ATP8A2: variants seen among roughly 807,000 people sequenced by gnomAD.
ATP8A2 encodes ATPase phospholipid transporting 8A2, also known as phospholipid-transporting ATPase IB.
Under a neutral mutation model 165.6 loss-of-function variants are expected in ATP8A2, and 100 were observed. That is an observed-to-expected ratio of 0.60 (90% CI 0.51 to 0.71). ATP8A2 has a LOEUF of 0.71. Ranked by LOEUF, ATP8A2 falls within the 30% of genes least tolerant of loss-of-function variation. ATP8A2 has a pLI of 0.00. For missense variants in ATP8A2, 1,227 were observed against 1,479.5 expected (o/e 0.83, Z 2.80); for synonymous variants, 543 against 548.8 (o/e 0.99, Z 0.15).
chr13:25,860,125 A>T, intron 30 of ATP8A2, 70 bp from the exon 31 acceptor site: 1 of 990,376 alleles, frequency 1.0e-6, no homozygotes, highest in Non-Finnish European at 1.6e-6. Context: ...TTCCCTGTTT[A>T]ATGCTCTGAG....
chr13:25,381,140 T>G (rs1344319760), intron 1 of ATP8A2, among the ~76,000 whole-genome samples: 1 of 152,194 alleles, frequency 6.6e-6, no homozygotes, highest in Non-Finnish European at 1.5e-5. Context: ...ATGGAGAGGA[T>G]CTTCAACACA....
intron 25 of ATP8A2, among the ~76,000 whole-genome samples, chr13:25,717,418 T>TAAAA (rs55732375): frequency 3.7e-4 from 35 of 95,012 alleles, no homozygotes; most frequent in African/African-American, 9.5e-4. Flanking sequence ...CTGAAAAAAC[T>TAAAA]AAAAAAAAAA....
intron 27 of ATP8A2, among the ~76,000 whole-genome samples, chr13:25,794,761 C>CT (rs1566145588): frequency 6.7e-6 from 1 of 150,300 alleles, no homozygotes; most frequent in Admixed American, 6.6e-5. Context: ...CCAAGGATAA[C>CT]ATCTATCAGA....
intron 33 of ATP8A2, among the ~76,000 whole-genome samples, chr13:25,948,353 A>T (rs1955265206): frequency 6.6e-6 from 1 of 152,144 alleles, no homozygotes; most frequent in Non-Finnish European, 1.5e-5. Flanking sequence ...GGTAACATGT[A>T]TGGCATTTAC....
intron 33 of ATP8A2, among the ~76,000 whole-genome samples, chr13:25,917,903 T>C (rs1339039096): frequency 1.3e-5 from 2 of 152,248 alleles, no homozygotes; most frequent in Non-Finnish European, 2.9e-5. Flanking sequence ...ACTGCAGAAG[T>C]TGTAAAACCT....
At chr13:25,695,738 CTTCTAA>C in intron 24 of ATP8A2, among the ~76,000 whole-genome samples, 1 of 152,340 alleles carries the variant, frequency 6.6e-6, no homozygotes, top group East Asian at 1.9e-4. Context: ...TCAGGCTTCA[CTTCTAA>C]TTCTAGTTCT....
At chr13:25,912,431 C>A (rs1954141730) in intron 33 of ATP8A2, among the ~76,000 whole-genome samples, 1 of 151,874 alleles carries the variant, frequency 6.6e-6, no homozygotes, top group South Asian at 2.1e-4. Flanking sequence ...TACAGAGCCT[C>A]AGTGAGACAG....
rs144342540 is a variant in ATP8A2, at chr13:25,498,704, A to G, written c.221+29583A>G. ...AATTGAAGGTAGGGGTTTAAATAAT[A>G]TTAGGAAGAGCTAACATTTGTTGAG... On this transcript the variant is annotated intron_variant, in intron 2 of 36. Coordinates refer to ENST00000381655, the MANE Select transcript of ATP8A2 (RefSeq NM_016529.6). Among the ~76,000 whole-genome samples the G allele has an allele frequency of 1.3e-3, 197 of 152,334 alleles. 1 individual carries two copies. Among genetic ancestry groups the G allele is most frequent in the African/African-American group, 4.4e-3 (184 of 41,582 alleles).
chr13:25,542,584 T>C (rs765634798), intron 9 of ATP8A2, among the ~76,000 whole-genome samples: 13 of 152,154 alleles, frequency 8.5e-5, no homozygotes, highest in Non-Finnish European at 1.9e-4. Flanking sequence ...TTCTACCTTC[T>C]GGCCATGTTT....
intron 1 of ATP8A2, among the ~76,000 whole-genome samples, chr13:25,437,298 A>G (rs1290103525): frequency 1.3e-5 from 2 of 152,188 alleles, no homozygotes; most frequent in African/African-American, 4.8e-5. Context: ...GCTTTCAAAG[A>G]TGCCTTAAGT....
chr13:25,554,529 ATGTGTGTGTGTG>A (rs71077486), intron 12 of ATP8A2, among the ~76,000 whole-genome samples: 29 of 140,344 alleles, frequency 2.1e-4, no homozygotes, highest in Non-Finnish European at 4.4e-4. Flanking sequence ...GTGTGTGTGT[ATGTGTGTGTGTG>A]TGTGTGTGTG....
chr13:25,871,290 C>A, intron 33 of ATP8A2: 1 of 286,212 alleles, frequency 3.5e-6, no homozygotes, highest in South Asian at 2.9e-5. Flanking sequence ...CTTTTCCTTT[C>A]TTGAAACATG....
At chr13:25,882,148 G>A (rs751751352) in intron 33 of ATP8A2, among the ~76,000 whole-genome samples, 4 of 152,268 alleles carry the variant, frequency 2.6e-5, no homozygotes, top group South Asian at 2.1e-4. Context: ...GCCATTGGAC[G>A]TAAAAACCTG....
At chr13:25,578,241 G>A (rs1008549845) in intron 20 of ATP8A2, among the ~76,000 whole-genome samples, 2 of 152,140 alleles carry the variant, frequency 1.3e-5, no homozygotes, top group Non-Finnish European at 2.9e-5. Context: ...TTTTGTAATA[G>A]CCTAAAACTA....
rs1370438841 is a variant in ATP8A2, at chr13:25,570,819, C to A, written c.1526C>A (p.Thr509Lys). 1 of 1,613,768 alleles carries A rather than the reference C, an allele frequency of 6.2e-7. No homozygotes were observed. The highest frequency in any genetic ancestry group is 1.3e-5 in the African/African-American group (1 of 75,064). The change falls in exon 17 of 37, where the codon ACG becomes AAG. Residue 509 changes from threonine (T) to lysine (K), a missense_variant. Physicochemically the swap from Thr to Lys is moderately conservative, Grantham distance 78. Around this residue, in one of 5 missense-constraint regions of ATP8A2, gnomAD observed 592 missense variants for 785.6 expected, o/e 0.75. Transcript: ENST00000381655. ...CTCACCCTTCTGGCCGTGTGCCACACGGTTGTTCCTGAGAAGGATGGAGAT... is the reference window on the plus strand; with the variant it reads ...CTCACCCTTCTGGCCGTGTGCCACAAGGTTGTTCCTGAGAAGGATGGAGAT... ...EFLTLLAVCH[T>K]VVPEKDGDNI...
At chr13:25,492,657 CT>C (rs2036562809) in intron 2 of ATP8A2, among the ~76,000 whole-genome samples, 1 of 152,170 alleles carries the variant, frequency 6.6e-6, no homozygotes. Context: ...CCTCAGTTTC[CT>C]ACTGTGTGAA....
intron 33 of ATP8A2, among the ~76,000 whole-genome samples, chr13:25,912,802 G>A (rs142558549): frequency 3.2e-4 from 48 of 152,212 alleles, no homozygotes; most frequent in African/African-American, 1.0e-3. Flanking sequence ...AGCTGTCTCC[G>A]ACCTCCATTA....
chr13:25,614,586 A>G (rs761820577), intron 24 of ATP8A2, among the ~76,000 whole-genome samples: 1 of 152,074 alleles, frequency 6.6e-6, no homozygotes, highest in Non-Finnish European at 1.5e-5. Flanking sequence ...TCGTTTTGTC[A>G]TATTACCTGA....
At chr13:25,565,322 C>G (rs973925908) in intron 16 of ATP8A2, among the ~76,000 whole-genome samples, 1 of 152,172 alleles carries the variant, frequency 6.6e-6, no homozygotes, top group Admixed American at 6.5e-5. Flanking sequence ...TCCATAGTGG[C>G]TGTTCTAGTT....
Sources: allele counts gnomAD v4.1 joint callset (sites outside exome capture counted in the v4.1 genomes callset), GRCh38; gene constraint gnomAD v4.1.1; regional missense constraint gnomAD v4.1.1; transcripts MANE v1.5; gene names NCBI Gene and HGNC (gene_info 2026-07-23, HGNC 2026-07-21).